Variants in CRMP1 observed in about 807,000 individuals in gnomAD.
CRMP1 encodes the protein collapsin response mediator protein 1.
Under a neutral mutation model 68.3 loss-of-function variants are expected in CRMP1, and 19 were observed. The observed-to-expected ratio is 0.28, with a 90% CI of 0.19 to 0.41. CRMP1 has a LOEUF of 0.41. CRMP1 is among the 10% of genes least tolerant of loss of function. The pLI is 1.00. For missense variants in CRMP1, 791 were observed against 967.4 expected (o/e 0.82, Z 2.42); for synonymous variants, 439 against 399.6 (o/e 1.10, Z -1.18).
Position 5,881,548 on chromosome 4 carries a change from G to T in CRMP1, c.381+11041C>A, listed in dbSNP as rs1368594603. 6.6e-6 allele frequency among the ~76,000 whole-genome samples: 1 copy of T among 152,090 alleles called. No homozygotes were observed. Among genetic ancestry groups the T allele is most frequent in the Non-Finnish European group, 1.5e-5 (1 of 68,014 alleles). ...CACTTGGTTACCATTCAGCACCGTG[G>T]TGCTGTCCACTGCCCCGACCATGTT... On this transcript the variant is annotated intron_variant, in intron 1 of 13. Transcript: ENST00000324989. The surrounding 1 kb of genome is among the most constrained non-coding windows in gnomAD (Gnocchi z 4.6).
At chr4:5,862,535 T>C (rs1238885115) in intron 2 of CRMP1, among the ~76,000 whole-genome samples, 1 of 152,198 alleles carries the variant, frequency 6.6e-6, no homozygotes, top group African/African-American at 2.4e-5. Context: ...GAACAGCAAC[T>C]GGAGAACAGC....
rs1293140351 is a variant in CRMP1 at position 5,856,144 on chromosome 4, T to G, written c.819A>C (p.Lys273Asn). Residue 273 changes from lysine (K) to asparagine (N), a missense_variant and splice_region_variant, in exon 4 of 14, where the codon AAA (lysine) becomes AAC (asparagine). Physicochemically the swap from Lys to Asn is moderately conservative, Grantham distance 94 (BLOSUM62 0). Around this residue, in one of 3 missense-constraint regions of CRMP1, gnomAD observed 594 missense variants for 763.6 expected, o/e 0.78. Transcript: ENST00000324989. ...REELEVLVQD[K>N]GVNSFQVYMA... ...CCCCGTTCCGAGGCTTTAACTGACC[T>G]TTGTCCTGCACCAGCACCTCCAGCT... 1 of 1,613,820 alleles carries G rather than the reference T, an allele frequency of 6.2e-7. No homozygotes were observed. The highest frequency in any genetic ancestry group is 8.5e-7 in the Non-Finnish European group (1 of 1,179,846).
chr4:5,851,263 C>G (rs1013631309), intron 5 of CRMP1, 145 bp downstream of exon 5: 2 of 746,438 alleles, frequency 2.7e-6, no homozygotes, highest in Non-Finnish European at 4.7e-6. Context: ...TGACTGACAC[C>G]GTATCACACA....
At position 5,879,514 on chromosome 4, in the gene CRMP1, T is replaced by C. The variant is rs1715086335; in HGVS notation, c.382-12758A>G. Among the ~76,000 whole-genome samples the C allele has an allele frequency of 6.6e-6, 1 of 152,212 alleles. No homozygotes were observed. The highest frequency in any genetic ancestry group is 2.4e-5 in the African/African-American group (1 of 41,464). On this transcript the variant is annotated intron_variant, in intron 1 of 13. Transcript: ENST00000324989. The surrounding 1 kb of genome is among the most constrained non-coding windows in gnomAD (Gnocchi z 4.2). ...CCCACATAGCTTCTTAGCGGGGTGA[T>C]CTTTGGCAAGATACTTAATCTCTGT... is the stretch of plus-strand genomic sequence containing the variant.
chr4:5,824,827 C>T, intron 13 of CRMP1: 9 of 985,410 alleles, frequency 9.1e-6, no homozygotes, highest in Non-Finnish European at 1.1e-5. Context: ...TCAACTTTCT[C>T]AACGTGTGCG....
At chr4:5,829,796 T>C (rs1720224565) in intron 11 of CRMP1, among the ~76,000 whole-genome samples, 3 of 152,338 alleles carry the variant, frequency 2.0e-5, no homozygotes, top group African/African-American at 7.2e-5. Flanking sequence ...TTCCCAAGAA[T>C]AAACAGTTGG....
intron 6 of CRMP1, among the ~76,000 whole-genome samples, chr4:5,848,968 T>C (rs183649279): frequency 3.2e-4 from 49 of 152,344 alleles, no homozygotes; most frequent in Admixed American, 1.0e-3. Context: ...ATATGAACTT[T>C]TGAAGGACAC....
Position 5,889,163 on chromosome 4 carries a change from G to A in CRMP1, c.381+3426C>T, listed in dbSNP as rs1311619199. Among the ~76,000 whole-genome samples the A allele has an allele frequency of 6.6e-6, 1 of 152,106 alleles. No homozygotes were observed. Among genetic ancestry groups the A allele is most frequent in the Non-Finnish European group, 1.5e-5 (1 of 68,006 alleles). ...AGCATTGAACCAGCCCTCCCTGGGG[G>A]CCTCTAAGGTGGAGCCCCCTAACTG... is the stretch of plus-strand genomic sequence containing the variant. On this transcript the variant is annotated intron_variant, in intron 1 of 13. Transcript: ENST00000324989. This position sits in a 1 kb window ranked among gnomAD's most constrained non-coding sequence, Gnocchi z 4.5.
In CRMP1 at chr4:5,877,027, T is replaced by C. The variant is rs1037857600; in HGVS notation, c.382-10271A>G. 1.3e-5 allele frequency among the ~76,000 whole-genome samples: 2 copies of C among 152,134 alleles called. No homozygotes were observed. The highest frequency in any genetic ancestry group is 2.4e-5 in the African/African-American group (1 of 41,468). The stretch of plus-strand genomic sequence containing the variant: ...CCATGTGACCTGCTTTGGCTGGGAG[T>C]GCACCAGTCTGAGCACAAGCTTTAA... On this transcript the variant is annotated intron_variant, in intron 1 of 13. Coordinates refer to ENST00000324989, the MANE Select transcript of CRMP1 (RefSeq NM_001014809.3). This position sits in a 1 kb window ranked among gnomAD's most constrained non-coding sequence, Gnocchi z 4.3.
At chr4:5,833,763 G>A (rs1294303333) in intron 11 of CRMP1, among the ~76,000 whole-genome samples, 3 of 152,176 alleles carry the variant, frequency 2.0e-5, no homozygotes, top group Admixed American at 2.0e-4. Flanking sequence ...AATAGTAAGA[G>A]GCTGGGTGCG....
At chr4:5,824,987 G>A (rs1719311950) in intron 13 of CRMP1, 1 of 985,230 alleles carries the variant, frequency 1.0e-6, no homozygotes, top group Non-Finnish European at 1.2e-6. Flanking sequence ...GATTTCTTGG[G>A]GCTTCCGTTT....
rs148360556 is a variant in CRMP1 at position 5,859,710 on chromosome 4, G to A, written c.655+1316C>T. On this transcript the variant is annotated intron_variant, in intron 3 of 13. Coordinates refer to ENST00000324989, the MANE Select transcript of CRMP1 (RefSeq NM_001014809.3). This position sits in a 1 kb window ranked among gnomAD's most constrained non-coding sequence, Gnocchi z 5.2. ...CCCATTTCCCATCCAGCAGATCCAC[G>A]GGCTGCCCTTTGGAAGAGGGATCAG... 4.5e-3 allele frequency among the ~76,000 whole-genome samples: 688 copies of A among 152,258 alleles called. 9 individuals carry two copies. The highest frequency in any genetic ancestry group is 0.015 in the African/African-American group (632 of 41,560).
rs1305943076 is a variant in CRMP1, at chr4:5,890,436, G to A, written c.381+2153C>T. The stretch of plus-strand genomic sequence containing the variant: ...GAAGCCTGGTGGGCGGGGGGGGAAG[G>A]GCCGGGGCACCCGTTGCGAAGCCCT... On this transcript the variant is annotated intron_variant, in intron 1 of 13. Coordinates refer to ENST00000324989, the MANE Select transcript of CRMP1 (RefSeq NM_001014809.3). This position sits in a 1 kb window ranked among gnomAD's most constrained non-coding sequence, Gnocchi z 5.5. Among the ~76,000 whole-genome samples the A allele has an allele frequency of 1.3e-5, 2 of 152,230 alleles. No homozygotes were observed. The highest frequency in any genetic ancestry group is 6.5e-5 in the Admixed American group (1 of 15,292).
intron 3 of CRMP1, among the ~76,000 whole-genome samples, chr4:5,857,022 TATC>T (rs1430992981): frequency 4.6e-4 from 4 of 8,740 alleles, no homozygotes; most frequent in African/African-American, 8.5e-4. Flanking sequence ...CACCATCTGC[TATC>T]ATCACCACCA....
chr4:5,869,511 T>A (rs367609451), intron 1 of CRMP1, among the ~76,000 whole-genome samples: 1 of 151,106 alleles, frequency 6.6e-6, no homozygotes, highest in East Asian at 2.0e-4. Context: ...TGAAACGCCA[T>A]CTCTACTAAA....
At position 5,892,852 on chromosome 4, in the gene CRMP1, C is replaced by T. The variant is rs1221059417; in HGVS notation, c.118G>A (p.Glu40Lys). 1.4e-6 allele frequency: 2 copies of T among 1,416,980 alleles called. No individual in the cohort carries two copies. Among genetic ancestry groups the T allele is most frequent in the Non-Finnish European group, 1.9e-6 (2 of 1,074,356 alleles). 87.8% of individuals were successfully genotyped at this position (1,416,980 alleles called of 1,614,324 possible). ...ATGGTCTTGTTCTCGTAGGCGCCCT[C>T]CACCGCGGCGAACATGCCGCCGTAC... is the stretch of plus-strand genomic sequence containing the variant. ...QKYGGMFAAV[E>K]GAYENKTIDF... Residue 40 changes from glutamate to lysine, a missense_variant, in exon 1 of 14, where the codon GAG becomes AAG. Glu to Lys is a moderately conservative substitution (Grantham distance 56). This residue lies in a region of CRMP1 where 193 missense variants were observed against 186.3 expected (regional missense o/e 1.04). Transcript: ENST00000324989. This position sits in a 1 kb window ranked among gnomAD's most constrained non-coding sequence, Gnocchi z 8.6.
At chr4:5,868,267 A>C (rs372738051) in intron 1 of CRMP1, among the ~76,000 whole-genome samples, 540 of 16,694 alleles carry the variant, frequency 0.032, 6 homozygotes, top group African/African-American at 0.087. Context: ...ATATCTATAT[A>C]TATATATATA....
rs1560477164 is a variant in CRMP1 at position 5,825,366 on chromosome 4, G to A, written c.1969+128C>T. 34 of 1,443,280 alleles carry A rather than the reference G, an allele frequency of 2.4e-5. No individual in the cohort carries two copies. Among genetic ancestry groups the A allele is most frequent in the Admixed American group, 3.1e-5 (1 of 32,730 alleles). 89.4% of individuals were successfully genotyped at this position (1,443,280 alleles called of 1,614,324 possible). A position where few individuals can be genotyped will look rare whatever the true frequency, so the allele number is the denominator to read the frequency against. On this transcript the variant is annotated intron_variant, in intron 13 of 13. Coordinates refer to ENST00000324989, the MANE Select transcript of CRMP1 (RefSeq NM_001014809.3). The surrounding 1 kb of genome is among the most constrained non-coding windows in gnomAD (Gnocchi z 4.4). ...CACCAGTGAGAGCAGGCTCGGGTGG[G>A]GCACACTCCCTTCCCTGCTTCTTCA...
Position 5,821,883 on chromosome 4 carries a change from G to A in CRMP1, c.1970-32C>T, listed in dbSNP as rs756104100. ...GAGAGCGCCAATCGCTGCTGGATGG[G>A]ATCTGTTAGCATCAGTTCCACGCTG... On this transcript the variant is annotated intron_variant, in intron 13 of 13. Transcript: ENST00000324989. This position sits in a 1 kb window ranked among gnomAD's most constrained non-coding sequence, Gnocchi z 4.4. 3 of 1,514,428 alleles carry A rather than the reference G, an allele frequency of 2.0e-6. No individual in the cohort carries two copies. The highest frequency in any genetic ancestry group is 2.6e-6 in the Non-Finnish European group (3 of 1,132,194). 93.8% of individuals were successfully genotyped at this position (1,514,428 alleles called of 1,614,324 possible).
Sources: allele counts gnomAD v4.1 joint callset (sites outside exome capture counted in the v4.1 genomes callset), GRCh38; gene constraint gnomAD v4.1.1; regional missense constraint gnomAD v4.1.1; non-coding constraint Gnocchi (gnomAD v3.1); transcripts MANE v1.5; gene names NCBI Gene and HGNC (gene_info 2026-07-23, HGNC 2026-07-21).